The following ANKS1B variants were observed in gnomAD, a reference collection of about 807,000 sequenced individuals.
ANKS1B encodes the protein ankyrin repeat and sterile alpha motif domain containing 1B.
ANKS1B carries 36 observed loss-of-function variants against 148.3 expected under a neutral mutation model. That is an observed-to-expected ratio of 0.24 (90% CI 0.19 to 0.32). The LOEUF is 0.32. Among genes scored for constraint, ANKS1B ranks in the 10% least tolerant of loss-of-function variants. The probability of loss-of-function intolerance (pLI) is 1.00; values close to 1 mark genes in which losing one functional copy is unlikely to be tolerated. For missense variants in ANKS1B, 1,157 were observed against 1,542.6 expected, an observed-to-expected ratio of 0.75 and a Z score of 4.19; for synonymous variants, 542 against 560.8, an observed-to-expected ratio of 0.97 and a Z score of 0.47.
At chr12:99,961,976 G>A (rs563773887) in intron 1 of ANKS1B, among the ~76,000 whole-genome samples, 1 of 152,324 alleles carries the variant, frequency 6.6e-6, no homozygotes, top group African/African-American at 2.4e-5. Flanking sequence ...AAGAAAACAA[G>A]ATGTTAAGAA....
intron 15 of ANKS1B, among the ~76,000 whole-genome samples, chr12:99,111,164 A>C (rs1252698075): frequency 6.6e-6 from 1 of 152,172 alleles, no homozygotes; most frequent in Non-Finnish European, 1.5e-5. Flanking sequence ...GAATTTTAAA[A>C]CCTGACTATA....
intron 22 of ANKS1B, among the ~76,000 whole-genome samples, chr12:98,791,491 C>T (rs763936579): frequency 1.6e-4 from 25 of 152,100 alleles, no homozygotes; most frequent in Non-Finnish European, 2.8e-4. Flanking sequence ...CTATGACTCA[C>T]GCAGTATTTG....
intron 15 of ANKS1B, among the ~76,000 whole-genome samples, chr12:99,145,767 A>T (rs2072842850): frequency 1.3e-5 from 2 of 152,086 alleles, no homozygotes; most frequent in Admixed American, 6.6e-5. Flanking sequence ...AGAAGTGGTG[A>T]AATTCTGTCC....
intron 14 of ANKS1B, among the ~76,000 whole-genome samples, chr12:99,213,524 T>C (rs1374086858): frequency 6.6e-6 from 1 of 152,134 alleles, no homozygotes. Context: ...CTAAAGCAGA[T>C]TACCTTTGAA....
intron 1 of ANKS1B, among the ~76,000 whole-genome samples, chr12:99,977,916 G>A (rs1007779491): frequency 2.0e-5 from 3 of 151,998 alleles, no homozygotes; most frequent in African/African-American, 7.3e-5. Flanking sequence ...TGTCCAAAAC[G>A]GAAACTAAAG....
chr12:99,021,487 C>A (rs369519370), intron 17 of ANKS1B, among the ~76,000 whole-genome samples: 1 of 151,956 alleles, frequency 6.6e-6, no homozygotes, highest in East Asian at 1.9e-4. Context: ...TGCTTAGAGG[C>A]ATCAGTAGTT....
intron 9 of ANKS1B, among the ~76,000 whole-genome samples, chr12:99,635,689 C>A (rs1003730126): frequency 5.3e-5 from 8 of 152,056 alleles, no homozygotes; most frequent in African/African-American, 1.4e-4. Flanking sequence ...TAGACAATAA[C>A]ATGAATACAA....
At chr12:99,857,451 T>G (rs1041217204) in intron 1 of ANKS1B, among the ~76,000 whole-genome samples, 6 of 151,932 alleles carry the variant, frequency 3.9e-5, no homozygotes, top group African/African-American at 1.5e-4. Context: ...ATTGTGAAAA[T>G]GACCATACGG....
chr12:99,870,666 T>C (rs2091400279), intron 1 of ANKS1B, among the ~76,000 whole-genome samples: 1 of 152,206 alleles, frequency 6.6e-6, no homozygotes, highest in Non-Finnish European at 1.5e-5. Context: ...ATTTCTCTGA[T>C]GATTAGTTAT....
chr12:99,280,521 C>G (rs1193981556), intron 12 of ANKS1B, among the ~76,000 whole-genome samples: 2 of 152,076 alleles, frequency 1.3e-5, no homozygotes, highest in Non-Finnish European at 1.5e-5. Flanking sequence ...ACAGAGTGCT[C>G]TGGTTTTTGG....
At chr12:99,624,941 C>T (rs775196427) in intron 9 of ANKS1B, among the ~76,000 whole-genome samples, 3 of 152,134 alleles carry the variant, frequency 2.0e-5, no homozygotes, top group East Asian at 1.9e-4. Context: ...AAGAAACCTG[C>T]GCTCATATGT....
intron 17 of ANKS1B, among the ~76,000 whole-genome samples, chr12:98,999,153 G>A (rs553221026): frequency 2.0e-5 from 3 of 152,302 alleles, no homozygotes; most frequent in African/African-American, 2.4e-5. Context: ...GAGATACACC[G>A]TGCAACTGGA....
At chr12:99,944,495 G>A (rs1323825944) in intron 1 of ANKS1B, among the ~76,000 whole-genome samples, 2 of 152,258 alleles carry the variant, frequency 1.3e-5, no homozygotes, top group Non-Finnish European at 2.9e-5. Context: ...ACAATGTGAT[G>A]TTGTTCTTAC....
intron 9 of ANKS1B, among the ~76,000 whole-genome samples, chr12:99,595,571 T>C (rs564216510): frequency 1.3e-5 from 2 of 152,054 alleles, no homozygotes; most frequent in Non-Finnish European, 2.9e-5. Context: ...AATATAAAAC[T>C]AATTATGTCC....
intron 9 of ANKS1B, among the ~76,000 whole-genome samples, chr12:99,521,804 C>A (rs1166743330): frequency 2.6e-5 from 4 of 152,150 alleles, no homozygotes; most frequent in African/African-American, 9.7e-5. Flanking sequence ...GTGGCCACAG[C>A]CATTGAAACT....
chr12:99,929,330 T>G (rs2094553662), intron 1 of ANKS1B, among the ~76,000 whole-genome samples: 1 of 152,204 alleles, frequency 6.6e-6, no homozygotes, highest in Admixed American at 6.5e-5. Flanking sequence ...CTTCGCCCAC[T>G]TGTTGATGGG....
At chr12:98,773,554 A>G (rs1054537345) in intron 24 of ANKS1B, among the ~76,000 whole-genome samples, 1 of 151,994 alleles carries the variant, frequency 6.6e-6, no homozygotes, top group Non-Finnish European at 1.5e-5. Flanking sequence ...TCCCAGGTTC[A>G]AGCAATTCTC....
chr12:99,526,171 T>A (rs919782758), intron 9 of ANKS1B, among the ~76,000 whole-genome samples: 4 of 152,092 alleles, frequency 2.6e-5, no homozygotes, highest in African/African-American at 9.7e-5. Context: ...TTGAAAAAAA[T>A]GGGCACTTTA....
intron 14 of ANKS1B, among the ~76,000 whole-genome samples, chr12:99,172,842 C>T (rs925833386): frequency 2.6e-5 from 4 of 152,138 alleles, no homozygotes; most frequent in African/African-American, 9.6e-5. Context: ...TGCATATATG[C>T]ACTGAATAAA....
Sources: allele counts gnomAD v4.1 joint callset (sites outside exome capture counted in the v4.1 genomes callset), GRCh38; gene constraint gnomAD v4.1.1; transcripts MANE v1.5; gene names NCBI Gene and HGNC (gene_info 2026-07-23, HGNC 2026-07-21).